Variants in PCOLCE2 observed in about 807,000 individuals in gnomAD.
PCOLCE2 encodes procollagen C-endopeptidase enhancer 2, also known as procollagen C-proteinase enhancer 2.
A neutral mutation model predicts 47.0 loss-of-function variants in PCOLCE2; 42 were observed. The ratio of observed to expected loss-of-function variants is 0.89; its 90% CI spans 0.70 to 1.16. The LOEUF (loss-of-function observed/expected upper bound fraction) is 1.16, where lower values mean the gene tolerates loss of function less well. Among genes scored for constraint, PCOLCE2 ranks in the 50% most tolerant of loss-of-function variants. The pLI is 0.00. For missense variants in PCOLCE2, 500 were observed against 526.1 expected (o/e 0.95, Z 0.49); for synonymous variants, 169 against 191.7 (o/e 0.88, Z 0.98).
At chr3:142,836,814 G>T (rs968612035) in intron 5 of PCOLCE2, among the ~76,000 whole-genome samples, 4 of 152,070 alleles carry the variant, frequency 2.6e-5, no homozygotes, top group Middle Eastern at 3.4e-3. Context: ...AAAAAGAGGA[G>T]GGTTAATAAA....
At chr3:142,820,783 G>C (rs572417642) in intron 8 of PCOLCE2, 95 bp downstream of exon 8, 17 of 1,025,066 alleles carry the variant, frequency 1.7e-5, no homozygotes, top group Non-Finnish European at 2.0e-5. Context: ...GCAAGAAGTG[G>C]GCAACATATT....
intron 4 of PCOLCE2, among the ~76,000 whole-genome samples, chr3:142,839,441 T>C (rs1296259915): frequency 6.6e-6 from 1 of 152,012 alleles, no homozygotes; most frequent in Non-Finnish European, 1.5e-5. Context: ...GCCTCCTGAG[T>C]AGCTGGAGTT....
chr3:142,846,969 T>C (rs909202400), intron 3 of PCOLCE2, among the ~76,000 whole-genome samples: 1 of 152,254 alleles, frequency 6.6e-6, no homozygotes, highest in Non-Finnish European at 1.5e-5. Context: ...TCAGTTCTTA[T>C]TGACTGCTTT....
chr3:142,847,818 G>A (rs1937343401), intron 3 of PCOLCE2, among the ~76,000 whole-genome samples: 4 of 152,210 alleles, frequency 2.6e-5, no homozygotes, highest in Admixed American at 2.6e-4. Context: ...TTACAGGCAT[G>A]AGCCACCATG....
chr3:142,846,356 C>T (rs1560134526), intron 3 of PCOLCE2, among the ~76,000 whole-genome samples: 1 of 152,124 alleles, frequency 6.6e-6, no homozygotes, highest in East Asian at 1.9e-4. Flanking sequence ...CACCACCATG[C>T]CTGGCTAATT....
At chr3:142,827,672 G>A (rs555685876) in intron 6 of PCOLCE2, 83 of 1,374,318 alleles carry the variant, frequency 6.0e-5, no homozygotes, top group African/African-American at 3.9e-4. Context: ...AAACCAGTAC[G>A]GGTCGCGGAA....
chr3:142,826,161 C>T (rs556291344), intron 6 of PCOLCE2, among the ~76,000 whole-genome samples: 4 of 152,168 alleles, frequency 2.6e-5, no homozygotes, highest in East Asian at 1.9e-4. Flanking sequence ...CCCACCACCA[C>T]GCCCGGCTAA....
At chr3:142,825,081 T>A (rs1026385505) in intron 6 of PCOLCE2, among the ~76,000 whole-genome samples, 3 of 152,158 alleles carry the variant, frequency 2.0e-5, no homozygotes, top group Non-Finnish European at 4.4e-5. Context: ...TCAGAAGATG[T>A]TTGGAAGGGA....
intron 2 of PCOLCE2, among the ~76,000 whole-genome samples, chr3:142,874,846 T>A (rs1933466077): frequency 6.6e-6 from 1 of 152,190 alleles, no homozygotes; most frequent in African/African-American, 2.4e-5. Context: ...ATAATAAAGA[T>A]GTCCCCGAAT....
intron 2 of PCOLCE2, among the ~76,000 whole-genome samples, chr3:142,853,140 A>AT (rs1489309627): frequency 3.3e-5 from 5 of 151,890 alleles, no homozygotes; most frequent in Non-Finnish European, 5.9e-5. Flanking sequence ...TAATGTTTAC[A>AT]TATCACTCCA....
At chr3:142,865,250 A>G (rs2108205562) in intron 2 of PCOLCE2, among the ~76,000 whole-genome samples, 1 of 152,048 alleles carries the variant, frequency 6.6e-6, no homozygotes, top group South Asian at 2.1e-4. Context: ...GATGTTGAGC[A>G]TCTCTTCATG....
At chr3:142,822,352 CCAGTGACTGATGATAGTTTTGGT>C (rs1271312764) in intron 7 of PCOLCE2, among the ~76,000 whole-genome samples, 1 of 152,070 alleles carries the variant, frequency 6.6e-6, no homozygotes. Flanking sequence ...TGGTTGAGAA[CCAGTGACTGATGATAGTTTTGGT>C]CATTTTGCCA....
chr3:142,873,317 C>A (rs1394233215), intron 2 of PCOLCE2, among the ~76,000 whole-genome samples: 1 of 150,236 alleles, frequency 6.7e-6, no homozygotes, highest in Non-Finnish European at 1.5e-5. Flanking sequence ...CACTTGAACC[C>A]GGGAGGCAGA....
chr3:142,887,163 C>G (rs1933733108), intron 2 of PCOLCE2: 1 of 152,296 alleles, frequency 6.6e-6, no homozygotes, highest in Non-Finnish European at 1.5e-5. Flanking sequence ...CCCACCCCCC[C>G]ATTCTCTATT....
chr3:142,887,801 A>G (rs774594186), intron 1 of PCOLCE2, 24 bp from the exon 2 acceptor site: 1 of 1,290,940 alleles, frequency 7.7e-7, no homozygotes, highest in Non-Finnish European at 1.1e-6. Flanking sequence ...AGAAGAAAAG[A>G]TAATGTAATT....
At chr3:142,870,376 G>A (rs555630753) in intron 2 of PCOLCE2, among the ~76,000 whole-genome samples, 3 of 152,236 alleles carry the variant, frequency 2.0e-5, no homozygotes, top group South Asian at 4.1e-4. Context: ...ATTCTATCTC[G>A]GACAGCACTT....
chr3:142,820,684 A>G (rs894640010), intron 8 of PCOLCE2, among the ~76,000 whole-genome samples, 194 bp downstream of exon 8: 1 of 152,174 alleles, frequency 6.6e-6, no homozygotes, highest in Admixed American at 6.5e-5. Flanking sequence ...TCACTTGTTC[A>G]TCATGTCCAC....
intron 5 of PCOLCE2, among the ~76,000 whole-genome samples, chr3:142,838,532 A>C (rs1469521651): frequency 6.6e-6 from 1 of 152,134 alleles, no homozygotes; most frequent in Non-Finnish European, 1.5e-5. Context: ...CAGAAGCAGA[A>C]GCCTCATGCT....
Position 142,872,392 on chromosome 3 carries a change from T to C in PCOLCE2, c.192+15277A>G, listed in dbSNP as rs141206694. On this transcript the variant is annotated intron_variant, in intron 2 of 8. Transcript: ENST00000295992. Reference sequence around the variant, plus strand: ...CAATGGCCCACTGGGCTCTTCAGGATCTACCCCACTTCCTCCTCAACAACC... The same window carrying C: ...CAATGGCCCACTGGGCTCTTCAGGACCTACCCCACTTCCTCCTCAACAACC... 1.0e-2 allele frequency among the ~76,000 whole-genome samples: 1,516 copies of C among 152,212 alleles called. 26 individuals are homozygous for C. The highest frequency in any genetic ancestry group is 0.035 in the African/African-American group (1,453 of 41,502).
Sources: gnomAD v4.1 joint callset for allele counts (sites outside exome capture counted in the v4.1 genomes callset) on GRCh38, gnomAD v4.1.1 for gene constraint, MANE v1.5 for transcripts, NCBI Gene and HGNC (gene_info 2026-07-23, HGNC 2026-07-21) for gene names.